Variants in CDH2 observed in about 807,000 individuals in gnomAD.
The protein encoded by CDH2 is cadherin-2.
In CDH2, 17 loss-of-function variants were observed where a neutral mutation model predicts 92.0. That is an observed-to-expected ratio of 0.18 (90% CI 0.13 to 0.28). The LOEUF (loss-of-function observed/expected upper bound fraction) is 0.28. Among genes scored for constraint, CDH2 ranks in the 10% least tolerant of loss-of-function variants. The probability of loss-of-function intolerance (pLI) is 1.00; values close to 1 mark genes in which losing one functional copy is unlikely to be tolerated. For synonymous variants in CDH2, 419 were observed against 415.9 expected (o/e 1.01, Z -0.09); for missense variants, 862 against 1,133.1 (o/e 0.76, Z 3.44).
chr18:28,129,696 T>C lies in CDH2; in HGVS notation c.172+17977A>G, dbSNP rs1002233902. Among the ~76,000 whole-genome samples the C allele has an allele frequency of 9.9e-5, 15 of 152,038 alleles. 1 individual carries two copies. The highest frequency in any genetic ancestry group is 1.5e-5 in the Non-Finnish European group (1 of 68,002). ...TTAAAAAATTAGTTGGGTGTGGTGG[T>C]TGCATGTCTGTAGTCTCAGCTACTC... is the stretch of plus-strand genomic sequence containing the variant. On this transcript the variant is annotated intron_variant, in intron 2 of 15. Transcript: ENST00000269141.
rs199534055 is a variant in CDH2, at chr18:28,009,760, G to A, written c.659C>T (p.Ser220Leu). The stretch of plus-strand genomic sequence containing the variant: ...CTCGCGATCCAGGGGCTTTGTCACC[G>A]ACAGCTGACCCGAGATGGGGTTGAT... ...FIINPISGQL[S>L]VTKPLDREQI... is the part of the protein sequence containing the mutation. The change falls in exon 5 of 16, where the codon TCG (serine) becomes TTG (leucine). Residue 220 changes from serine (S) to leucine (L), a missense_variant. Ser to Leu is a moderately radical substitution (Grantham distance 145). This residue lies in a region of CDH2 where 564 missense variants were observed against 722.2 expected (regional missense o/e 0.78). Transcript: ENST00000269141. 4.5e-5 allele frequency: 72 copies of A among 1,613,844 alleles called. 1 individual carries two copies. In the South Asian group the frequency reaches 6.6e-4, roughly 15 times the overall value.
chr18:28,018,873 TTA>T (rs56721321), intron 2 of CDH2, among the ~76,000 whole-genome samples: 29,494 of 146,112 alleles, frequency 0.2, 3,297 homozygotes, highest in Non-Finnish European at 0.26. Context: ...GCACACACGT[TTA>T]TATATATATA....
intron 1 of CDH2, among the ~76,000 whole-genome samples, chr18:28,176,491 G>A (rs1598530011): frequency 6.6e-6 from 1 of 152,216 alleles, no homozygotes; most frequent in Non-Finnish European, 1.5e-5. Flanking sequence ...GGTGGGGTAA[G>A]GTGGAGGCAA....
chr18:27,936,651 T>C (rs1567928188), intron 6 of CDH2, among the ~76,000 whole-genome samples: 2 of 152,246 alleles, frequency 1.3e-5, no homozygotes, highest in East Asian at 3.9e-4. Context: ...CACCTCAGCA[T>C]CCTGAGTAGC....
intron 2 of CDH2, among the ~76,000 whole-genome samples, chr18:28,110,527 C>T (rs565974392): frequency 2.6e-5 from 4 of 152,208 alleles, no homozygotes; most frequent in African/African-American, 7.2e-5. Flanking sequence ...TGCTTTTGTT[C>T]CTCATGCCTG....
intron 1 of CDH2, among the ~76,000 whole-genome samples, chr18:28,161,913 T>C (rs77529544): frequency 6.5e-4 from 99 of 152,266 alleles, no homozygotes; most frequent in African/African-American, 2.3e-3. Context: ...ACGCCACCTA[T>C]GTCATGCAAA....
At chr18:28,152,079 G>A (rs557512896) in intron 1 of CDH2, among the ~76,000 whole-genome samples, 22 of 152,278 alleles carry the variant, frequency 1.4e-4, no homozygotes, top group African/African-American at 5.3e-4. Flanking sequence ...AATGGCAGCA[G>A]GAGTGTAGTT....
rs191931425 is a variant in CDH2 at position 28,125,422 on chromosome 18, A to T, written c.172+22251T>A. 2.5e-3 allele frequency among the ~76,000 whole-genome samples: 381 copies of T among 151,836 alleles called. 4 individuals are homozygous for T. The highest frequency in any genetic ancestry group is 8.8e-3 in the African/African-American group (366 of 41,408). The stretch of plus-strand genomic sequence containing the variant: ...AGGAGATGGAATGGAGTAAAAAAAA[A>T]TTTTTTTTTCAAAATTCACTTTCTT... On this transcript the variant is annotated intron_variant, in intron 2 of 15. Transcript: ENST00000269141.
chr18:28,072,912 T>C (rs1056896409), intron 2 of CDH2, among the ~76,000 whole-genome samples: 8 of 152,182 alleles, frequency 5.3e-5, no homozygotes, highest in Middle Eastern at 6.3e-3. Flanking sequence ...CACACCTTTA[T>C]TGTATGTGTA....
At chr18:28,091,279 TC>T (rs1212251770) in intron 2 of CDH2, among the ~76,000 whole-genome samples, 2 of 151,894 alleles carry the variant, frequency 1.3e-5, no homozygotes, top group Admixed American at 6.6e-5. Flanking sequence ...ATCCCTCATT[TC>T]CCCCCTCTGT....
intron 14 of CDH2, among the ~76,000 whole-genome samples, chr18:27,974,427 G>A (rs1444504644): frequency 6.6e-6 from 1 of 152,216 alleles, no homozygotes; most frequent in African/African-American, 2.4e-5. Context: ...TAGGAAACAA[G>A]AATTTTATGT....
intron 2 of CDH2, among the ~76,000 whole-genome samples, chr18:28,051,090 G>T (rs925593961): frequency 6.6e-6 from 1 of 152,002 alleles, no homozygotes; most frequent in Non-Finnish European, 1.5e-5. Context: ...TAAAAAATAG[G>T]TAACTATGAA....
chr18:28,001,643 C>G (rs1324584481), intron 7 of CDH2, among the ~76,000 whole-genome samples: 1 of 152,190 alleles, frequency 6.6e-6, no homozygotes. Context: ...GTCCAACAAT[C>G]TCTGATGCAA....
At chr18:28,014,538 A>C (rs2013188779) in intron 2 of CDH2, among the ~76,000 whole-genome samples, 1 of 152,202 alleles carries the variant, frequency 6.6e-6, no homozygotes, top group African/African-American at 2.4e-5. Flanking sequence ...TTAACAGGTA[A>C]ATAATTTACA....
intron 2 of CDH2, among the ~76,000 whole-genome samples, chr18:28,070,723 A>G (rs970561196): frequency 6.6e-6 from 1 of 152,192 alleles, no homozygotes; most frequent in Non-Finnish European, 1.5e-5. Flanking sequence ...TGGGGACAAC[A>G]AAGTGTAAAC....
intron 1 of CDH2, among the ~76,000 whole-genome samples, chr18:28,174,135 T>C (rs767148519): frequency 1.3e-5 from 2 of 152,186 alleles, no homozygotes; most frequent in Admixed American, 6.5e-5. Context: ...ACAGAGTCCT[T>C]TGAATATTCA....
At position 28,116,295 on chromosome 18, in the gene CDH2, C is replaced by T. The variant is rs139597447; in HGVS notation, c.172+31378G>A. The stretch of plus-strand genomic sequence containing the variant: ...AACTTGTTAGGGAGAGGCCACTAGG[C>T]AAGATAGTTTAATAATCAAACAGTT... On this transcript the variant is annotated intron_variant, in intron 2 of 15. Transcript: ENST00000269141. Among the ~76,000 whole-genome samples the T allele has an allele frequency of 6.6e-5, 10 of 152,252 alleles. No individual in the cohort carries two copies. The East Asian group carries it at 1.7e-3, about 26-fold the overall frequency.
chr18:27,991,629 C>A (rs2012418799), intron 9 of CDH2, among the ~76,000 whole-genome samples: 1 of 152,140 alleles, frequency 6.6e-6, no homozygotes, highest in Admixed American at 6.5e-5. Context: ...GCATAAGAAA[C>A]CTAGAATTTA....
intron 2 of CDH2, among the ~76,000 whole-genome samples, chr18:28,104,868 T>C (rs958980801): frequency 1.3e-5 from 2 of 152,106 alleles, no homozygotes; most frequent in East Asian, 3.9e-4. Context: ...ATGATTATCT[T>C]GGATGATAAT....
Sources: allele counts gnomAD v4.1 joint callset (sites outside exome capture counted in the v4.1 genomes callset), GRCh38; gene constraint gnomAD v4.1.1; regional missense constraint gnomAD v4.1.1; transcripts MANE v1.5; gene names NCBI Gene and HGNC (gene_info 2026-07-23, HGNC 2026-07-21).